Variants in CA8 observed in about 807,000 individuals in gnomAD.
The protein encoded by CA8 is carbonic anhydrase 8 (inactive), also known as carbonic anhydrase-related protein.
In CA8, 22 loss-of-function variants were observed where a neutral mutation model predicts 41.4. The ratio of observed to expected loss-of-function variants is 0.53; its 90% CI spans 0.38 to 0.76. CA8 has a LOEUF of 0.76. CA8 is among the 30% of genes least tolerant of loss of function. The pLI is 0.00. For synonymous variants in CA8, 121 were observed against 130.6 expected (o/e 0.93, Z 0.50); for missense variants, 270 against 352.8 (o/e 0.77, Z 1.88).
intron 8 of CA8, among the ~76,000 whole-genome samples, chr8:60,206,590 C>T (rs1283047887): frequency 6.6e-6 from 1 of 151,554 alleles, no homozygotes; most frequent in South Asian, 2.1e-4. Context: ...TGCCTCTTGG[C>T]CTCTCCTGTG....
chr8:60,190,189 G>T (rs10103558), intron 8 of CA8, among the ~76,000 whole-genome samples: 1 of 151,046 alleles, frequency 6.6e-6, no homozygotes, highest in Admixed American at 6.6e-5. Context: ...TATTTCTATG[G>T]CAGACCTATT....
chr8:60,201,562 C>G (rs1332076880), intron 8 of CA8, among the ~76,000 whole-genome samples: 2 of 152,006 alleles, frequency 1.3e-5, no homozygotes, highest in Non-Finnish European at 2.9e-5. Context: ...AAAATGAGGT[C>G]TAAAAATGCC....
intron 3 of CA8, among the ~76,000 whole-genome samples, chr8:60,256,873 A>G (rs1808658110): frequency 6.6e-6 from 1 of 152,214 alleles, no homozygotes; most frequent in African/African-American, 2.4e-5. Flanking sequence ...TCGACTAAAC[A>G]GGGAAGAAGT....
intron 8 of CA8, among the ~76,000 whole-genome samples, chr8:60,207,724 C>G (rs929529890): frequency 7.9e-5 from 12 of 152,212 alleles, no homozygotes; most frequent in African/African-American, 2.9e-4. Flanking sequence ...ATCTATCACC[C>G]TGGCTACCTG....
chr8:60,259,400 T>C (rs976020569), intron 3 of CA8, among the ~76,000 whole-genome samples: 1 of 152,238 alleles, frequency 6.6e-6, no homozygotes, highest in East Asian at 1.9e-4. Flanking sequence ...ATAATATAAA[T>C]GCTTTTTTGC....
chr8:60,190,925 G>GCA lies in CA8; in HGVS notation c.*36-942_*36-941dup, dbSNP rs143434754. Among the ~76,000 whole-genome samples, 608 of 87,848 alleles carry GCA rather than the reference G, an allele frequency of 6.9e-3. 4 individuals are homozygous for GCA. Among genetic ancestry groups the GCA allele is most frequent in the African/African-American group, 0.02 (443 of 22,428 alleles). 57.6% of individuals were successfully genotyped at this position (87,848 alleles called of 152,430 possible). ...TATATATGTATCTGTGGACACACCT[G>GCA]CACACACACACACTATATATATATA... On this transcript the variant is annotated intron_variant, in intron 8 of 8. Transcript: ENST00000317995.
chr8:60,227,050 G>C (rs532279076), intron 4 of CA8, 115 bp from the exon 5 acceptor site: 9 of 759,554 alleles, frequency 1.2e-5, no homozygotes, highest in African/African-American at 1.0e-4. Context: ...CCAGCACTTT[G>C]GGAGGCCGAG....
intron 2 of CA8, among the ~76,000 whole-genome samples, chr8:60,269,556 G>C (rs574282861): frequency 1.3e-5 from 2 of 152,196 alleles, no homozygotes; most frequent in Non-Finnish European, 2.9e-5. Context: ...GGAAGCTTTT[G>C]TAAGATCTGA....
At chr8:60,225,069 A>G (rs1199986472) in intron 5 of CA8, among the ~76,000 whole-genome samples, 2 of 151,954 alleles carry the variant, frequency 1.3e-5, no homozygotes, top group African/African-American at 2.4e-5. Context: ...TCTGGGATCT[A>G]TGCTAGATGC....
chr8:60,263,390 G>A (rs1803797169), intron 3 of CA8, among the ~76,000 whole-genome samples: 1 of 150,750 alleles, frequency 6.6e-6, no homozygotes, highest in African/African-American at 2.4e-5. Flanking sequence ...TTTGCTTATA[G>A]TGTCTGTCTG....
At chr8:60,235,974 A>T (rs1469860448) in intron 3 of CA8, among the ~76,000 whole-genome samples, 2 of 152,206 alleles carry the variant, frequency 1.3e-5, no homozygotes, top group Non-Finnish European at 2.9e-5. Context: ...AGCTAGGAGG[A>T]TACCACAAAA....
intron 8 of CA8, among the ~76,000 whole-genome samples, chr8:60,206,903 C>T (rs978177535): frequency 6.6e-6 from 1 of 152,074 alleles, no homozygotes; most frequent in Non-Finnish European, 1.5e-5. Flanking sequence ...TTTCCCACAC[C>T]CCAGCATATA....
intron 7 of CA8, among the ~76,000 whole-genome samples, chr8:60,218,704 G>C (rs1353780213): frequency 2.0e-5 from 3 of 152,118 alleles, no homozygotes; most frequent in Admixed American, 2.0e-4. Flanking sequence ...CTAAGACTTT[G>C]GCTATCTGCA....
At chr8:60,206,725 C>A (rs1806597624) in intron 8 of CA8, among the ~76,000 whole-genome samples, 1 of 151,688 alleles carries the variant, frequency 6.6e-6, no homozygotes, top group Admixed American at 6.6e-5. Context: ...TCTAAACCAC[C>A]ACCTCCTTCT....
Position 60,187,274 on chromosome 8 carries a change from A to T in CA8, c.*2747T>A. 1 of 152,156 alleles carries T rather than the reference A, an allele frequency of 6.6e-6. No individual in the cohort carries two copies. The highest frequency in any genetic ancestry group is 1.5e-5 in the Non-Finnish European group (1 of 67,978). The allele number at this position is 152,156 out of a possible 1,614,324, so 9.4% of individuals were successfully genotyped here. ...GCAAAGTATTTTCTAATACCTTGAG[A>T]TGAATGAAAACAAAAACATGGCATA... On this transcript the variant is annotated 3_prime_UTR_variant, in exon 9 of 9. Coordinates refer to ENST00000317995, the MANE Select transcript of CA8 (RefSeq NM_004056.6).
At chr8:60,237,256 A>G (rs1563361900) in intron 3 of CA8, among the ~76,000 whole-genome samples, 2 of 152,196 alleles carry the variant, frequency 1.3e-5, no homozygotes, top group Non-Finnish European at 2.9e-5. Flanking sequence ...CTGTATCTTA[A>G]AAGCTTGGAT....
chr8:60,226,993 T>TA (rs760410752), intron 4 of CA8, 58 bp from the exon 5 acceptor site: 768 of 1,274,764 alleles, frequency 6.0e-4, no homozygotes, highest in Non-Finnish European at 7.6e-4. Context: ...TAGCTTTAAC[T>TA]AAAAAAAAAC....
At chr8:60,248,835 T>C (rs1808345356) in intron 3 of CA8, among the ~76,000 whole-genome samples, 1 of 152,208 alleles carries the variant, frequency 6.6e-6, no homozygotes, top group Non-Finnish European at 1.5e-5. Context: ...TATAATGCTA[T>C]ATAAATTACT....
chr8:60,203,445 T>C (rs1205212058), intron 8 of CA8, among the ~76,000 whole-genome samples: 1 of 152,196 alleles, frequency 6.6e-6, no homozygotes, highest in Non-Finnish European at 1.5e-5. Context: ...TAACCCCTTA[T>C]TTTAATCTGA....
Sources: allele counts gnomAD v4.1 joint callset (sites outside exome capture counted in the v4.1 genomes callset), GRCh38; gene constraint gnomAD v4.1.1; transcripts MANE v1.5; gene names NCBI Gene and HGNC (gene_info 2026-07-23, HGNC 2026-07-21).